Variants in TMEM132D observed in about 807,000 individuals in gnomAD.
TMEM132D encodes transmembrane protein 132D.
A neutral mutation model predicts 62.3 loss-of-function variants in TMEM132D; 21 were observed. The ratio of observed to expected loss-of-function variants is 0.34; its 90% CI spans 0.24 to 0.49. The LOEUF (loss-of-function observed/expected upper bound fraction) is 0.49. Among genes scored for constraint, TMEM132D ranks in the 20% least tolerant of loss-of-function variants. The probability of loss-of-function intolerance (pLI) is 0.99; values close to 1 mark genes in which losing one functional copy is unlikely to be tolerated. For synonymous variants in TMEM132D, 621 were observed against 575.6 expected (o/e 1.08, Z -1.13); for missense variants, 1,346 against 1,402.8 (o/e 0.96, Z 0.65).
chr12:129,586,134 C>T (rs960087968), intron 2 of TMEM132D, among the ~76,000 whole-genome samples: 80 of 150,492 alleles, frequency 5.3e-4, no homozygotes, highest in African/African-American at 2.0e-3. Flanking sequence ...TTCCTGCCTC[C>T]ATTCACAGGA....
At chr12:129,257,200 CTTTCT>C (rs1363211427) in intron 4 of TMEM132D, among the ~76,000 whole-genome samples, 1 of 132,710 alleles carries the variant, frequency 7.5e-6, no homozygotes. Flanking sequence ...TCCCCTGTTT[CTTTCT>C]TTTTTTTTTT....
intron 2 of TMEM132D, among the ~76,000 whole-genome samples, chr12:129,610,126 C>T (rs1043908748): frequency 5.3e-5 from 8 of 152,074 alleles, no homozygotes; most frequent in Non-Finnish European, 1.2e-4. Flanking sequence ...CAAAACTTAG[C>T]TGGGTGTGGT....
At chr12:129,167,158 TAAAAA>T (rs758480068) in intron 5 of TMEM132D, among the ~76,000 whole-genome samples, 1 of 97,760 alleles carries the variant, frequency 1.0e-5, no homozygotes, top group African/African-American at 5.9e-5. Context: ...AGACTCTGTT[TAAAAA>T]AAAAAAACAA....
intron 1 of TMEM132D, among the ~76,000 whole-genome samples, chr12:129,877,040 C>A (rs912560261): frequency 1.3e-5 from 2 of 152,212 alleles, no homozygotes; most frequent in African/African-American, 4.8e-5. Flanking sequence ...GCAAATGCAA[C>A]TTCTATCCGT....
chr12:129,223,419 C>T (rs1438398820), intron 4 of TMEM132D, among the ~76,000 whole-genome samples: 1 of 152,122 alleles, frequency 6.6e-6, no homozygotes, highest in Non-Finnish European at 1.5e-5. Context: ...GTCAATAGCC[C>T]AGACTGTAAT....
intron 2 of TMEM132D, among the ~76,000 whole-genome samples, chr12:129,604,143 AC>A (rs1434457588): frequency 1.3e-5 from 2 of 152,118 alleles, no homozygotes; most frequent in Non-Finnish European, 2.9e-5. Context: ...AAGGAGGGGA[AC>A]ATCACACACC....
chr12:129,165,078 G>C (rs1877506177), intron 5 of TMEM132D, among the ~76,000 whole-genome samples: 1 of 152,216 alleles, frequency 6.6e-6, no homozygotes, highest in Admixed American at 6.5e-5. Context: ...TAACATGAGA[G>C]AATCTCAAAA....
chr12:129,305,971 A>G (rs758150139), intron 4 of TMEM132D, among the ~76,000 whole-genome samples: 6 of 152,208 alleles, frequency 3.9e-5, no homozygotes, highest in Non-Finnish European at 5.9e-5. Flanking sequence ...TGCCTTCTCA[A>G]AATAAGGTCT....
At chr12:129,136,621 A>G (rs1876565424) in intron 5 of TMEM132D, among the ~76,000 whole-genome samples, 1 of 152,188 alleles carries the variant, frequency 6.6e-6, no homozygotes, top group South Asian at 2.1e-4. Context: ...CACCATCATC[A>G]TAATCATCAT....
At chr12:129,753,726 G>A (rs548911150) in intron 1 of TMEM132D, among the ~76,000 whole-genome samples, 19 of 152,166 alleles carry the variant, frequency 1.2e-4, no homozygotes, top group African/African-American at 3.1e-4. Context: ...CATTTTTTGC[G>A]TGTTTCCTAT....
intron 5 of TMEM132D, among the ~76,000 whole-genome samples, chr12:129,168,467 T>C (rs2135545266): frequency 6.6e-6 from 1 of 152,286 alleles, no homozygotes; most frequent in East Asian, 1.9e-4. Context: ...CCTAATTTAC[T>C]TTCCGCTCTA....
At chr12:129,134,705 C>G (rs969524570) in intron 5 of TMEM132D, among the ~76,000 whole-genome samples, 17 of 152,186 alleles carry the variant, frequency 1.1e-4, no homozygotes, top group African/African-American at 3.4e-4. Context: ...TTTCAACAGA[C>G]AGACTGGGTT....
intron 5 of TMEM132D, among the ~76,000 whole-genome samples, chr12:129,155,684 G>A (rs1320990847): frequency 6.6e-6 from 1 of 152,204 alleles, no homozygotes; most frequent in African/African-American, 2.4e-5. Context: ...AAGAGCAGGT[G>A]GGAGAGTAAG....
intron 5 of TMEM132D, among the ~76,000 whole-genome samples, chr12:129,146,802 C>T (rs1345991036): frequency 3.9e-5 from 6 of 152,076 alleles, no homozygotes; most frequent in East Asian, 3.9e-4. Flanking sequence ...ATTTGCTGGG[C>T]GCAACACACT....
At chr12:129,530,919 T>C (rs1876198406) in intron 3 of TMEM132D, 140 bp downstream of exon 3, 1 of 842,198 alleles carries the variant, frequency 1.2e-6, no homozygotes, top group Non-Finnish European at 1.8e-6. Context: ...TTCATCTACC[T>C]GGAGGCCCTG....
rs138400365 is a variant in TMEM132D, at chr12:129,700,109, G to C, written c.669C>G (p.Pro223=). Residue 223 remains proline, a synonymous_variant, in exon 2 of 9, where the codon CCC becomes CCG. Transcript: ENST00000422113. ...RKSVDQPEGT[P]VELYYTVHPG... ...GGTGCACGGTGTAGTAGAGCTCCAC[G>C]GGGGTCCCCTCCGGCTGGTCCACGG... The C allele has an allele frequency of 1.2e-6, 2 of 1,613,380 alleles. No individual in the cohort carries two copies. Among genetic ancestry groups the C allele is most frequent in the South Asian group, 2.2e-5 (2 of 91,076 alleles).
chr12:129,193,388 G>T (rs1878463209), intron 5 of TMEM132D, among the ~76,000 whole-genome samples: 1 of 151,904 alleles, frequency 6.6e-6, no homozygotes, highest in African/African-American at 2.4e-5. Flanking sequence ...TCGCAGAAAT[G>T]GAGGCAAATC....
chr12:129,322,472 A>C (rs1184692002), intron 4 of TMEM132D, among the ~76,000 whole-genome samples: 1 of 152,082 alleles, frequency 6.6e-6, no homozygotes, highest in Non-Finnish European at 1.5e-5. Flanking sequence ...AGGTAGCAAC[A>C]TGCAACAACT....
intron 5 of TMEM132D, among the ~76,000 whole-genome samples, chr12:129,103,250 G>A (rs1016385277): frequency 3.9e-5 from 6 of 152,168 alleles, no homozygotes; most frequent in African/African-American, 1.4e-4. Flanking sequence ...GTTCCCATGA[G>A]CATTAGGACA....
Sources: allele counts gnomAD v4.1 joint callset (sites outside exome capture counted in the v4.1 genomes callset), GRCh38; gene constraint gnomAD v4.1.1; transcripts MANE v1.5; gene names NCBI Gene and HGNC (gene_info 2026-07-23, HGNC 2026-07-21).